The following TOM1L2 variants were observed in gnomAD, a reference collection of about 807,000 sequenced individuals.
TOM1L2 encodes the protein TOM1-like protein 2.
A neutral mutation model predicts 67.9 loss-of-function variants in TOM1L2; 31 were observed. The observed-to-expected ratio is 0.46, with a 90% CI of 0.34 to 0.62. The LOEUF is 0.62. Ranked by LOEUF, TOM1L2 falls within the 20% of genes least tolerant of loss-of-function variation. The pLI is 0.01. For synonymous variants in TOM1L2, 256 were observed against 254.0 expected, an observed-to-expected ratio of 1.01 and a Z score of -0.07; for missense variants, 606 against 663.5, an observed-to-expected ratio of 0.91 and a Z score of 0.95.
At chr17:17,885,551 G>C (rs2037951309) in intron 4 of TOM1L2, among the ~76,000 whole-genome samples, 1 of 152,164 alleles carries the variant, frequency 6.6e-6, no homozygotes, top group Admixed American at 6.5e-5. Context: ...TCCCTTCAGT[G>C]AAAACATATC....
chr17:17,856,398 G>T (rs2143612467), intron 12 of TOM1L2, among the ~76,000 whole-genome samples: 1 of 152,408 alleles, frequency 6.6e-6, no homozygotes, highest in South Asian at 2.1e-4. Context: ...GGTGGCAGGA[G>T]ACCTGCCCAG....
intron 10 of TOM1L2, among the ~76,000 whole-genome samples, chr17:17,865,620 C>T (rs2143779196): frequency 6.6e-6 from 1 of 152,158 alleles, no homozygotes; most frequent in African/African-American, 2.4e-5. Flanking sequence ...CTCAAGTGAT[C>T]CACCCACCTC....
Position 17,899,887 on chromosome 17 carries a change from A to AG in TOM1L2, c.138-1214dup, listed in dbSNP as rs531128456. Among the ~76,000 whole-genome samples the AG allele has an allele frequency of 1.5e-3, 228 of 152,342 alleles. 1 individual carries two copies. The highest frequency in any genetic ancestry group is 5.1e-3 in the African/African-American group (212 of 41,570). ...TGTATGAGGAAGTTGAGGAGGGGAA[A>AG]GGGTTGATGCTCTGCTAATCAGCTT... On this transcript the variant is annotated intron_variant, in intron 2 of 14. Transcript: ENST00000379504.
intron 1 of TOM1L2, among the ~76,000 whole-genome samples, chr17:17,956,004 C>T (rs1020444486): frequency 2.0e-5 from 3 of 152,196 alleles, no homozygotes; most frequent in African/African-American, 7.2e-5. Flanking sequence ...AGAAAAACTG[C>T]AGACCTTTGC....
chr17:17,946,881 C>T (rs1425038161), intron 1 of TOM1L2, among the ~76,000 whole-genome samples: 3 of 152,134 alleles, frequency 2.0e-5, no homozygotes, highest in African/African-American at 2.4e-5. Context: ...TGTGCCACCA[C>T]GCCTGGCTAA....
intron 1 of TOM1L2, among the ~76,000 whole-genome samples, chr17:17,959,498 A>C (rs2041601158): frequency 6.6e-6 from 1 of 152,146 alleles, no homozygotes; most frequent in Non-Finnish European, 1.5e-5. Context: ...GAGTCTTCTG[A>C]TTCTTTGAAT....
intron 3 of TOM1L2, among the ~76,000 whole-genome samples, chr17:17,895,931 C>T (rs1271169433): frequency 6.6e-6 from 1 of 152,232 alleles, no homozygotes; most frequent in African/African-American, 2.4e-5. Flanking sequence ...CCGCAGCCAG[C>T]CAGAATCGTT....
chr17:17,912,934 G>A (rs919323736), intron 1 of TOM1L2, among the ~76,000 whole-genome samples: 9 of 152,358 alleles, frequency 5.9e-5, no homozygotes, highest in Admixed American at 2.0e-4. Context: ...CTGCAATCCC[G>A]GCACCTCGGG....
At chr17:17,865,712 G>A (rs2036808199) in intron 10 of TOM1L2, among the ~76,000 whole-genome samples, 1 of 142,642 alleles carries the variant, frequency 7.0e-6, no homozygotes, top group African/African-American at 2.6e-5. Context: ...CATAGGGAAT[G>A]TTCCATATAA....
intron 1 of TOM1L2, among the ~76,000 whole-genome samples, chr17:17,912,350 G>T (rs1379110168): frequency 2.7e-5 from 4 of 150,812 alleles, no homozygotes; most frequent in African/African-American, 9.8e-5. Context: ...CTTCCCAGAC[G>T]GGGTGGCTGC....
chr17:17,945,518 G>GA (rs2040907053), intron 1 of TOM1L2, among the ~76,000 whole-genome samples: 1 of 152,164 alleles, frequency 6.6e-6, no homozygotes, highest in Non-Finnish European at 1.5e-5. Flanking sequence ...TGCTATTGAT[G>GA]AAAAGATAGA....
intron 2 of TOM1L2, among the ~76,000 whole-genome samples, chr17:17,900,331 C>T (rs113718273): frequency 3.3e-5 from 5 of 151,812 alleles, no homozygotes; most frequent in African/African-American, 4.8e-5. Flanking sequence ...ACCAGCCTGG[C>T]CAACATGGTG....
intron 1 of TOM1L2, among the ~76,000 whole-genome samples, chr17:17,908,197 A>G (rs114678748): frequency 4.2e-4 from 64 of 152,338 alleles, no homozygotes; most frequent in African/African-American, 1.4e-3. Flanking sequence ...TGACCACTCA[A>G]TGAGGAAAGG....
chr17:17,903,687 T>C (rs1598302589), intron 2 of TOM1L2, among the ~76,000 whole-genome samples: 2 of 147,236 alleles, frequency 1.4e-5, no homozygotes, highest in South Asian at 4.3e-4. Context: ...CTTGCGGGGG[T>C]TGCAGGGCAA....
intron 1 of TOM1L2, among the ~76,000 whole-genome samples, chr17:17,941,286 C>T (rs1240459730): frequency 1.3e-5 from 2 of 152,128 alleles, no homozygotes; most frequent in African/African-American, 4.8e-5. Context: ...AGGAAGTGGG[C>T]TTTCCAGAGG....
chr17:17,941,541 GGGATT>G (rs1457365668), intron 1 of TOM1L2, among the ~76,000 whole-genome samples: 1 of 152,126 alleles, frequency 6.6e-6, no homozygotes, highest in Non-Finnish European at 1.5e-5. Context: ...TTTTAGAATA[GGGATT>G]CCAAGCCACG....
chr17:17,972,368 G>C lies in TOM1L2; in HGVS notation c.-55C>G, dbSNP rs2042148367. ...CCCCCTGTCTGCCACCTAGGCCTCC[G>C]CTGTAACCCGCCGGACTCCCGTCCT... is the stretch of plus-strand genomic sequence containing the variant. On this transcript the variant is annotated 5_prime_UTR_variant, in exon 1 of 15. Transcript: ENST00000379504. 48 of 1,546,396 alleles carry C rather than the reference G, an allele frequency of 3.1e-5. No homozygotes were observed. The South Asian group carries it at 4.7e-4, about 15-fold the overall frequency.
In TOM1L2 at chr17:17,913,021, C is replaced by CA. The variant is rs1401259138; in HGVS notation, c.53-5491dup. Among the ~76,000 whole-genome samples, 3 of 151,680 alleles carry CA rather than the reference C, an allele frequency of 2.0e-5. No homozygotes were observed. The East Asian group carries it at 5.8e-4, about 29-fold the overall frequency. ...CAACACAGCGAAACCCCGTCTCCAC[C>CA]AAAAAAAATACGAAAACCAGTCAGG... is the stretch of plus-strand genomic sequence containing the variant. On this transcript the variant is annotated intron_variant, in intron 1 of 14. Coordinates refer to ENST00000379504, the MANE Select transcript of TOM1L2 (RefSeq NM_001082968.2).
At chr17:17,859,199 C>T (rs1303435475) in intron 12 of TOM1L2, 1 of 152,202 alleles carries the variant, frequency 6.6e-6, no homozygotes, top group African/African-American at 2.4e-5. Flanking sequence ...CCCCAGCCTC[C>T]TGAGTAGCTG....
Sources: gnomAD v4.1 joint callset for allele counts (sites outside exome capture counted in the v4.1 genomes callset) on GRCh38, gnomAD v4.1.1 for gene constraint, MANE v1.5 for transcripts, NCBI Gene and HGNC (gene_info 2026-07-23, HGNC 2026-07-21) for gene names.